Variants in PROSER1 observed in about 807,000 individuals in gnomAD.
PROSER1 encodes proline and serine-rich protein 1.
In PROSER1, 36 loss-of-function variants were observed where a neutral mutation model predicts 71.8. The observed-to-expected ratio is 0.50, with a 90% CI of 0.38 to 0.66. PROSER1 has a LOEUF of 0.66. Among genes scored for constraint, PROSER1 ranks in the 30% least tolerant of loss-of-function variants. The pLI is 0.00. For missense variants in PROSER1, 1,107 were observed against 1,135.0 expected (o/e 0.98, Z 0.35); for synonymous variants, 490 against 452.4 (o/e 1.08, Z -1.06).
chr13:39,019,516 CAAAAAAAAAAAAAA>C (rs1183602451), intron 9 of PROSER1, among the ~76,000 whole-genome samples: 1 of 40,826 alleles, frequency 2.4e-5, no homozygotes, highest in Admixed American at 3.1e-4. Flanking sequence ...AACTCTGTCT[CAAAAAAAAAAAAAA>C]AAAAAAAAAA....
In PROSER1 at chr13:39,023,139, T is replaced by C. The variant is rs764481596; in HGVS notation, c.565-9A>G. On this transcript the variant is annotated splice_polypyrimidine_tract_variant and intron_variant, in intron 7 of 12. Coordinates refer to ENST00000352251, the MANE Select transcript of PROSER1 (RefSeq NM_025138.5). ...TTATATGTTGAAGGAGGCTAAAACA[T>C]GGGGGAAAATACAGCAGTTAGAAGA... 6.2e-7 allele frequency: 1 copy of C among 1,605,588 alleles called. No individual in the cohort carries two copies. The highest frequency in any genetic ancestry group is 8.5e-7 in the Non-Finnish European group (1 of 1,172,662).
chr13:39,019,050 G>A (rs180930214), intron 9 of PROSER1, among the ~76,000 whole-genome samples: 13 of 152,124 alleles, frequency 8.5e-5, no homozygotes, highest in Admixed American at 6.5e-4. Flanking sequence ...TTTCTTACAC[G>A]TCATTTTCTA....
intron 4 of PROSER1, among the ~76,000 whole-genome samples, chr13:39,028,708 A>G (rs1870666027): frequency 6.6e-6 from 1 of 152,178 alleles, no homozygotes; most frequent in Admixed American, 6.5e-5. Context: ...ATGGACACCT[A>G]TGCATACAAA....
At chr13:39,014,507 G>C in intron 10 of PROSER1, 31 bp from the exon 11 acceptor site, 2 of 1,493,186 alleles carry the variant, frequency 1.3e-6, no homozygotes, top group Non-Finnish European at 1.8e-6. Context: ...AGGCAAGAAT[G>C]TATCATCATG....
At chr13:39,029,705 T>C (rs1371037765) in intron 3 of PROSER1, among the ~76,000 whole-genome samples, 1 of 152,140 alleles carries the variant, frequency 6.6e-6, no homozygotes, top group East Asian at 1.9e-4. Flanking sequence ...GTGATACTCA[T>C]ACACATGGGA....
intron 5 of PROSER1, 53 bp from the exon 6 acceptor site, chr13:39,026,440 T>C (rs1870550631): frequency 4.4e-6 from 5 of 1,126,742 alleles, no homozygotes; most frequent in Non-Finnish European, 6.5e-6. Context: ...AAGATAAGTA[T>C]TCTGAACATT....
At chr13:39,034,432 C>T (rs1274685336) in intron 1 of PROSER1, among the ~76,000 whole-genome samples, 1 of 152,136 alleles carries the variant, frequency 6.6e-6, no homozygotes, top group African/African-American at 2.4e-5. Flanking sequence ...GCTTCCCTAC[C>T]AACTTCTACA....
At chr13:39,015,720 A>G (rs1186804537) in intron 10 of PROSER1, among the ~76,000 whole-genome samples, 1 of 152,200 alleles carries the variant, frequency 6.6e-6, no homozygotes, top group Non-Finnish European at 1.5e-5. Flanking sequence ...GAAAATTGAC[A>G]GTCATATTTA....
At chr13:39,036,763 T>C (rs987208375) in intron 1 of PROSER1, among the ~76,000 whole-genome samples, 2 of 152,192 alleles carry the variant, frequency 1.3e-5, no homozygotes, top group East Asian at 1.9e-4. Context: ...GCAACAAATA[T>C]ACTCTACCTT....
chr13:39,032,569 G>A (rs374434931), intron 2 of PROSER1, among the ~76,000 whole-genome samples: 1 of 152,070 alleles, frequency 6.6e-6, no homozygotes, highest in Non-Finnish European at 1.5e-5. Flanking sequence ...GGTATGTAAA[G>A]AGAGTAAAAA....
rs1869864582 is a variant in PROSER1, at chr13:39,014,053, G to A, written c.1199C>T (p.Ser400Phe). Residue 400 changes from serine to phenylalanine, a missense_variant, in exon 11 of 13, where the codon TCT (serine) becomes TTT (phenylalanine). Ser to Phe is a radical substitution (Grantham distance 155). Coordinates refer to ENST00000352251, the MANE Select transcript of PROSER1 (RefSeq NM_025138.5). Reference protein sequence around the residue: ...LGSSEAFASTSAPFTSLPFST... With the variant: ...LGSSEAFASTFAPFTSLPFST... The stretch of plus-strand genomic sequence containing the variant: ...AAAGGGGAGGCTAGTGAAAGGTGCA[G>A]AAGTAGAAGCAAATGCTTCACTGGA... The A allele has an allele frequency of 1.2e-6, 2 of 1,614,192 alleles. No homozygotes were observed. The highest frequency in any genetic ancestry group is 1.7e-6 in the Non-Finnish European group (2 of 1,180,024).
chr13:39,034,138 C>G lies in PROSER1; in HGVS notation c.104G>C (p.Ser35Thr). 6.3e-7 allele frequency: 1 copy of G among 1,575,898 alleles called. No individual in the cohort carries two copies. Among genetic ancestry groups the G allele is most frequent in the African/African-American group, 1.4e-5 (1 of 72,270 alleles). The change falls in exon 2 of 13, where the codon AGT becomes ACT. Residue 35 changes from serine to threonine, a missense_variant. Transcript: ENST00000352251. ...AIEYVHGYFSSEQVVDLLRYF... is the reference protein window; with the variant it reads ...AIEYVHGYFSTEQVVDLLRYF... ...ACAAATAATGAGGAATACCTGTTCA[C>G]TAGAAAAGTATCCATGCACATATTC...
Position 39,028,269 on chromosome 13 carries a change from T to A in PROSER1, c.327A>T (p.Val109=). Residue 109 remains valine (V), a synonymous_variant, in exon 5 of 13, where the codon GTA becomes GTT. Coordinates refer to ENST00000352251, the MANE Select transcript of PROSER1 (RefSeq NM_025138.5). The part of the protein sequence containing the change: ...NSRPIEDLFR[V]NMSEKKRCKR... Reference sequence around the variant, plus strand: ...TGCACCGTTTCTTCTCAGACATATTTACCCTGAATAAATCTTCAATAGGAC... The same window carrying A: ...TGCACCGTTTCTTCTCAGACATATTAACCCTGAATAAATCTTCAATAGGAC... The A allele has an allele frequency of 6.3e-7, 1 of 1,599,688 alleles. No individual in the cohort carries two copies. Among genetic ancestry groups the A allele is most frequent in the Non-Finnish European group, 8.6e-7 (1 of 1,167,748 alleles).
chr13:39,013,706 T>C lies in PROSER1; in HGVS notation c.1546A>G (p.Asn516Asp). 1 of 1,614,128 alleles carries C rather than the reference T, an allele frequency of 6.2e-7. No homozygotes were observed. Among genetic ancestry groups the C allele is most frequent in the South Asian group, 1.1e-5 (1 of 91,082 alleles). Reference protein sequence around the residue: ...QNSDSSASAPNKCYAPSAIPT... With the variant: ...QNSDSSASAPDKCYAPSAIPT... ...ATGGCTGATGGGGCATAGCACTTGTTAGGGGCTGAAGCAGAAGAGTCAGAG... is the reference window on the plus strand; with the variant it reads ...ATGGCTGATGGGGCATAGCACTTGTCAGGGGCTGAAGCAGAAGAGTCAGAG... The change falls in exon 11 of 13, where the codon AAC (asparagine) becomes GAC (aspartate). Residue 516 changes from asparagine to aspartate, a missense_variant. Physicochemically the swap from Asn to Asp is conservative, Grantham distance 23. Coordinates refer to ENST00000352251, the MANE Select transcript of PROSER1 (RefSeq NM_025138.5).
chr13:39,028,977 TGTCA>T lies in PROSER1; in HGVS notation c.275+300_275+303del, dbSNP rs1277943782. ...TTGCCAAAAAAAAAAAAAATTATTG[TGTCA>T]GTAAGTGAAAGAATCTCTAATTCTT... On this transcript the variant is annotated intron_variant, in intron 4 of 12. Transcript: ENST00000352251. 1.5e-5 allele frequency: 3 copies of T among 197,514 alleles called. No homozygotes were observed. The East Asian group carries it at 3.5e-4, about 23-fold the overall frequency. 12.2% of individuals were successfully genotyped at this position (197,514 alleles called of 1,614,324 possible).
At chr13:39,029,713 G>A (rs1870741418) in intron 3 of PROSER1, among the ~76,000 whole-genome samples, 1 of 152,036 alleles carries the variant, frequency 6.6e-6, no homozygotes, top group African/African-American at 2.4e-5. Context: ...CATACACATG[G>A]GAGATTAAAT....
At position 39,037,377 on chromosome 13, in the gene PROSER1, G is replaced by T; in HGVS notation, c.-135C>A. On this transcript the variant is annotated 5_prime_UTR_variant, in exon 1 of 13. Coordinates refer to ENST00000352251, the MANE Select transcript of PROSER1 (RefSeq NM_025138.5). Reference sequence around the variant, plus strand: ...AGACTCCACGAGCAAGAGAGGATGCGAAGAGGTAGAGAGTATTGCAAACTT... The same window carrying T: ...AGACTCCACGAGCAAGAGAGGATGCTAAGAGGTAGAGAGTATTGCAAACTT... The T allele has an allele frequency of 1.4e-6, 1 of 700,486 alleles. No homozygotes were observed. The highest frequency in any genetic ancestry group is 2.5e-6 in the Non-Finnish European group (1 of 392,430). The allele number at this position is 700,486 out of a possible 1,614,324, so 43.4% of individuals were successfully genotyped here.
rs1263137529 is a variant in PROSER1, at chr13:39,014,101, G to T, written c.1151C>A (p.Pro384His). The T allele has an allele frequency of 6.2e-7, 1 of 1,614,206 alleles. No individual in the cohort carries two copies. Among genetic ancestry groups the T allele is most frequent in the Admixed American group, 1.7e-5 (1 of 60,030 alleles). ...TPTAATPTPG[P>H]TPRSTLGSSE... ...GGAACCAAGAGTGGACCGTGGTGTA[G>T]GTCCTGGGGTAGGAGTGGCTGCGGT... Residue 384 changes from proline (P) to histidine (H), a missense_variant, in exon 11 of 13, where the codon CCT becomes CAT. Transcript: ENST00000352251.
rs766586308 is a variant in PROSER1 at position 39,014,491 on chromosome 13, G to GA, written c.776-16dup. 4 of 1,552,848 alleles carry GA rather than the reference G, an allele frequency of 2.6e-6. No homozygotes were observed. The highest frequency in any genetic ancestry group is 1.9e-5 in the Admixed American group (1 of 52,338). On this transcript the variant is annotated splice_polypyrimidine_tract_variant and intron_variant, in intron 10 of 12. Coordinates refer to ENST00000352251, the MANE Select transcript of PROSER1 (RefSeq NM_025138.5). Reference sequence around the variant, plus strand: ...GGTGGAAAATGCTATATGGAAGGGGGAAAAAAGGCAAGAATGTATCATCAT... The same window carrying GA: ...GGTGGAAAATGCTATATGGAAGGGGGAAAAAAAGGCAAGAATGTATCATCAT...
Sources: allele counts gnomAD v4.1 joint callset (sites outside exome capture counted in the v4.1 genomes callset), GRCh38; gene constraint gnomAD v4.1.1; transcripts MANE v1.5; gene names NCBI Gene and HGNC (gene_info 2026-07-23, HGNC 2026-07-21).